The following ANKS1B variants were observed in gnomAD, a reference collection of about 807,000 sequenced individuals.
ANKS1B encodes ankyrin repeat and sterile alpha motif domain-containing protein 1B.
Under a neutral mutation model 148.3 loss-of-function variants are expected in ANKS1B, and 36 were observed. That is an observed-to-expected ratio of 0.24 (90% confidence interval 0.19 to 0.32). The LOEUF is 0.32. Among genes scored for constraint, ANKS1B ranks in the 10% least tolerant of loss-of-function variants. The probability of loss-of-function intolerance (pLI) is 1.00; values close to 1 mark genes in which losing one functional copy is unlikely to be tolerated. For synonymous variants in ANKS1B, 542 were observed against 560.8 expected, an observed-to-expected ratio of 0.97 and a Z score of 0.47; for missense variants, 1,157 against 1,542.6, an observed-to-expected ratio of 0.75 and a Z score of 4.19.
intron 9 of ANKS1B, among the ~76,000 whole-genome samples, chr12:99,523,079 A>T (rs902567075): frequency 2.6e-5 from 4 of 152,168 alleles, no homozygotes; most frequent in African/African-American, 9.7e-5. Context: ...GACTACTTTG[A>T]TAGGGCATCT....
intron 25 of ANKS1B, among the ~76,000 whole-genome samples, chr12:98,761,661 C>T (rs1020243650): frequency 2.0e-5 from 3 of 152,134 alleles, no homozygotes; most frequent in Non-Finnish European, 2.9e-5. Flanking sequence ...GTCTTCAATC[C>T]GTTATGGAAT....
chr12:99,321,092 G>T (rs1389153547), intron 12 of ANKS1B, among the ~76,000 whole-genome samples: 7 of 152,316 alleles, frequency 4.6e-5, no homozygotes, highest in Middle Eastern at 3.4e-3. Flanking sequence ...ACACCCGGTT[G>T]TATGAGGTGT....
chr12:99,109,455 G>A (rs1434014877), intron 15 of ANKS1B, among the ~76,000 whole-genome samples: 2 of 152,130 alleles, frequency 1.3e-5, no homozygotes, highest in Admixed American at 1.3e-4. Flanking sequence ...CAGAGGTCTG[G>A]TCCATAATTT....
intron 15 of ANKS1B, among the ~76,000 whole-genome samples, chr12:99,087,306 A>T (rs7313721): frequency 6.6e-6 from 1 of 152,076 alleles, no homozygotes; most frequent in Non-Finnish European, 1.5e-5. Context: ...GGAATGGCAC[A>T]ACAGCTAGGG....
chr12:99,604,706 T>G (rs908380623), intron 9 of ANKS1B, among the ~76,000 whole-genome samples: 1 of 151,122 alleles, frequency 6.6e-6, no homozygotes, highest in Non-Finnish European at 1.5e-5. Context: ...TCCCAGCTAC[T>G]TGGGAGACTG....
chr12:99,179,160 G>A (rs994334786), intron 14 of ANKS1B, among the ~76,000 whole-genome samples: 3 of 152,250 alleles, frequency 2.0e-5, no homozygotes, highest in African/African-American at 7.2e-5. Flanking sequence ...CGGGCGCGGT[G>A]GCTCATGCCT....
chr12:99,855,324 A>G (rs2088822102), intron 1 of ANKS1B, among the ~76,000 whole-genome samples: 1 of 152,154 alleles, frequency 6.6e-6, no homozygotes, highest in Non-Finnish European at 1.5e-5. Context: ...AAGGGACATT[A>G]TATATTGATA....
intron 11 of ANKS1B, 85 bp downstream of exon 11, chr12:99,443,588 C>A: frequency 7.2e-7 from 1 of 1,395,446 alleles, no homozygotes; most frequent in Non-Finnish European, 9.8e-7. Context: ...TAAAACAGTC[C>A]AGGCATTGCA....
At chr12:99,520,747 T>C (rs534007927) in intron 9 of ANKS1B, among the ~76,000 whole-genome samples, 4 of 152,212 alleles carry the variant, frequency 2.6e-5, no homozygotes, top group Admixed American at 6.5e-5. Context: ...GCTTTATTGT[T>C]TTTTGTTGTT....
intron 9 of ANKS1B, among the ~76,000 whole-genome samples, chr12:99,617,464 A>G (rs1301542269): frequency 6.6e-6 from 1 of 152,174 alleles, no homozygotes; most frequent in Non-Finnish European, 1.5e-5. Context: ...AGCCATAAAA[A>G]AATGAGTTCT....
At chr12:98,849,603 C>A (rs2099510571) in intron 17 of ANKS1B, among the ~76,000 whole-genome samples, 1 of 152,088 alleles carries the variant, frequency 6.6e-6, no homozygotes, top group Admixed American at 6.5e-5. Flanking sequence ...TAATTTAAAT[C>A]ATGAATTTCA....
At chr12:99,553,018 G>A (rs2097237586) in intron 9 of ANKS1B, among the ~76,000 whole-genome samples, 1 of 152,122 alleles carries the variant, frequency 6.6e-6, no homozygotes, top group Non-Finnish European at 1.5e-5. Flanking sequence ...ACAGAGAGCT[G>A]ACTTTATATC....
intron 22 of ANKS1B, among the ~76,000 whole-genome samples, chr12:98,791,094 C>T (rs2098844981): frequency 6.6e-6 from 1 of 152,150 alleles, no homozygotes; most frequent in African/African-American, 2.4e-5. Flanking sequence ...CGCCTGTAAT[C>T]CCAGCACTTT....
intron 1 of ANKS1B, among the ~76,000 whole-genome samples, chr12:99,948,726 A>G (rs1276876741): frequency 6.6e-6 from 1 of 152,244 alleles, no homozygotes; most frequent in Non-Finnish European, 1.5e-5. Context: ...GAAAACAGAT[A>G]TGAACTAATA....
chr12:98,842,467 G>A (rs2099412437), intron 17 of ANKS1B, among the ~76,000 whole-genome samples: 1 of 152,138 alleles, frequency 6.6e-6, no homozygotes, highest in Non-Finnish European at 1.5e-5. Context: ...GAACTTTTTA[G>A]GGTTATGGAA....
rs2076460895 is a variant in ANKS1B, at chr12:99,159,843, T to TTAGTGTATAAGTGTATACACTTATATA, written c.2420-5449_2420-5448insTATATAAGTGTATACACTTATACACTA. Reference sequence around the variant, plus strand: ...GAGTCTGAACTAAGTGACATTCCCATCAACAGTGTATAAGTGTCCCTTTCT... The same window carrying TTAGTGTATAAGTGTATACACTTATATA: ...GAGTCTGAACTAAGTGACATTCCCATTAGTGTATAAGTGTATACACTTATATACAACAGTGTATAAGTGTCCCTTTCT... On this transcript the variant is annotated intron_variant, in intron 14 of 26. Transcript: ENST00000683438. 5.3e-5 allele frequency among the ~76,000 whole-genome samples: 8 copies of TTAGTGTATAAGTGTATACACTTATATA among 152,318 alleles called. No homozygotes were observed. The South Asian group carries it at 1.7e-3, about 32-fold the overall frequency.
chr12:99,275,775 T>C (rs1225166488), intron 12 of ANKS1B, among the ~76,000 whole-genome samples: 2 of 152,214 alleles, frequency 1.3e-5, no homozygotes, highest in African/African-American at 4.8e-5. Context: ...CACCTCTTGA[T>C]GGAAAAATGT....
chr12:99,845,564 A>T (rs1187551104), intron 1 of ANKS1B, among the ~76,000 whole-genome samples: 1 of 152,170 alleles, frequency 6.6e-6, no homozygotes, highest in Non-Finnish European at 1.5e-5. Flanking sequence ...CATCCCAGGG[A>T]TGAAGCTGAG....
At chr12:99,388,987 A>G (rs2093968882) in intron 12 of ANKS1B, among the ~76,000 whole-genome samples, 1 of 152,286 alleles carries the variant, frequency 6.6e-6, no homozygotes, top group African/African-American at 2.4e-5. Flanking sequence ...GTTATATCCT[A>G]TCACCTTTGC....
Sources: allele counts gnomAD v4.1 joint callset (sites outside exome capture counted in the v4.1 genomes callset), GRCh38; gene constraint gnomAD v4.1.1; transcripts MANE v1.5; gene names NCBI Gene and HGNC (gene_info 2026-07-23, HGNC 2026-07-21).